The following PDGFA variants were observed in gnomAD, a reference collection of about 807,000 sequenced individuals.
PDGFA encodes platelet derived growth factor subunit A.
In PDGFA, 9 loss-of-function variants were observed where a neutral mutation model predicts 25.6. The ratio of observed to expected loss-of-function variants is 0.35; its 90% CI spans 0.21 to 0.61. PDGFA has a LOEUF of 0.61. PDGFA is among the 20% of genes least tolerant of loss of function. The pLI is 0.75. For synonymous variants in PDGFA, 133 were observed against 111.8 expected (o/e 1.19, Z -1.20); for missense variants, 242 against 272.8 (o/e 0.89, Z 0.79).
chr7:513,577 G>A lies in PDGFA; in HGVS notation c.161-1122C>T, dbSNP rs183027744. 4 of 151,794 alleles carry A rather than the reference G, an allele frequency of 2.6e-5. No individual in the cohort carries two copies. In the East Asian group the frequency reaches 7.8e-4, roughly 30 times the overall value. The allele number at this position is 151,794 out of a possible 1,614,324, so 9.4% of individuals were successfully genotyped here. On this transcript the variant is annotated intron_variant, in intron 2 of 5. Coordinates refer to ENST00000402802, the Ensembl canonical transcript of PDGFA. ...GCGGAGACAGTGAGCCTCACAGCCA[G>A]GATGCTCCAGAGGCACAGAGATCTC...
At chr7:518,889 T>G in intron 1 of PDGFA, 50 bp downstream of exon 1, 1 of 1,269,102 alleles carries the variant, frequency 7.9e-7, no homozygotes, top group African/African-American at 1.5e-5. Context: ...CGGCGGGGGG[T>G]GTGCGCCGGA....
chr7:516,568 G>T (rs1345642392), intron 2 of PDGFA, among the ~76,000 whole-genome samples: 1 of 152,170 alleles, frequency 6.6e-6, no homozygotes, highest in Non-Finnish European at 1.5e-5. Flanking sequence ...TGAAAAGAGC[G>T]CCACGCACGC....
At chr7:518,859 A>G in intron 1 of PDGFA, 80 bp downstream of exon 1, 1 of 934,876 alleles carries the variant, frequency 1.1e-6, no homozygotes, top group Middle Eastern at 3.3e-4. Flanking sequence ...CGCTCTCTGC[A>G]GAGCCCGTGG....
intron 3 of PDGFA, 29 bp from the exon 4 acceptor site, chr7:511,025 G>A (rs1312144091): frequency 1.3e-6 from 2 of 1,589,700 alleles, no homozygotes; most frequent in Non-Finnish European, 1.7e-6. Context: ...AGTGAGCGGG[G>A]ACCGGCCTCT....
Position 511,003 on chromosome 7 carries a change from C to T in PDGFA, c.266-7G>A, listed in dbSNP as rs375915676. On this transcript the variant is annotated splice_region_variant and splice_polypyrimidine_tract_variant and intron_variant, in intron 3 of 5. Coordinates refer to ENST00000402802, the Ensembl canonical transcript of PDGFA. The stretch of plus-strand genomic sequence containing the variant: ...ACAGCGGGGACAGCTTCCTCTGCAA[C>T]GGCGGGGGCACAGTGAGCGGGGACC... 97 of 1,609,704 alleles carry T rather than the reference C, an allele frequency of 6.0e-5. No homozygotes were observed. The highest frequency in any genetic ancestry group is 1.6e-4 in the Middle Eastern group (1 of 6,072).
chr7:498,701 C>A, intron 5 of PDGFA, 127 bp from the exon 6 acceptor site: 1 of 872,412 alleles, frequency 1.1e-6, no homozygotes, highest in Non-Finnish European at 1.9e-6. Flanking sequence ...ACAGGGATTT[C>A]AAGTTTTCAA....
rs1562489678 is a variant in PDGFA at position 510,803 on chromosome 7, G to GGAGGT, written c.453+5_453+6insACCTC. On this transcript the variant is annotated splice_donor_region_variant and intron_variant, in intron 4 of 5. Coordinates refer to ENST00000402802, the Ensembl canonical transcript of PDGFA. ...GGAGGGGAGGGGAGGGGAGGGGAGG[G>GGAGGT]CTCACCTTGACGCTGCGGTGGTGGA... 8.9e-6 allele frequency: 13 copies of GGAGGT among 1,462,354 alleles called. No homozygotes were observed. Among genetic ancestry groups the GGAGGT allele is most frequent in the Non-Finnish European group, 1.2e-5 (13 of 1,080,408 alleles). 90.6% of individuals were successfully genotyped at this position (1,462,354 alleles called of 1,614,324 possible). A position where few individuals can be genotyped will look rare whatever the true frequency, so the allele number is the denominator to read the frequency against.
intron 3 of PDGFA, among the ~76,000 whole-genome samples, chr7:511,657 C>T (rs894035481): frequency 1.3e-5 from 2 of 152,142 alleles, no homozygotes; most frequent in Non-Finnish European, 2.9e-5. Flanking sequence ...CTGCTCAGGG[C>T]CCCAGAGCCA....
intron 5 of PDGFA, among the ~76,000 whole-genome samples, chr7:498,883 C>T (rs1325412744): frequency 6.6e-6 from 1 of 152,228 alleles, no homozygotes; most frequent in Non-Finnish European, 1.5e-5. Flanking sequence ...TTCTCTCTGC[C>T]TTCCTTTCTT....
intron 3 of PDGFA, among the ~76,000 whole-genome samples, chr7:511,691 C>G (rs1264412104): frequency 2.6e-5 from 4 of 152,148 alleles, no homozygotes; most frequent in Admixed American, 2.6e-4. Flanking sequence ...GGCTCAAACC[C>G]ATCAGGTGGG....
At chr7:501,210 T>A in exon 5 of PDGFA, 1 of 1,614,214 alleles carries the variant, frequency 6.2e-7, no homozygotes, top group Non-Finnish European at 8.5e-7. Flanking sequence ...CTTTTAATTT[T>A]GGCTTCTTCC....
intron 4 of PDGFA, among the ~76,000 whole-genome samples, chr7:504,042 C>A (rs1782460881): frequency 6.6e-6 from 1 of 152,168 alleles, no homozygotes; most frequent in African/African-American, 2.4e-5. Flanking sequence ...ACACTTCCAC[C>A]TCCCATCTGT....
At chr7:516,263 A>T (rs1174303131) in intron 2 of PDGFA, among the ~76,000 whole-genome samples, 2 of 147,356 alleles carry the variant, frequency 1.4e-5, no homozygotes, top group African/African-American at 2.5e-5. Flanking sequence ...TCAAGAAACT[A>T]CAGAAACCAT....
intron 3 of PDGFA, 78 bp downstream of exon 3, chr7:512,273 C>A: frequency 7.4e-7 from 1 of 1,354,128 alleles, no homozygotes; most frequent in South Asian, 1.3e-5. Context: ...CCCCACCCGG[C>A]CCTGCCCTGC....
chr7:498,584 G>A lies in PDGFA; in HGVS notation c.581-10C>T, dbSNP rs771092561. 1.9e-5 allele frequency: 30 copies of A among 1,609,910 alleles called. No homozygotes were observed. In the South Asian group the frequency reaches 2.9e-4, roughly 16 times the overall value. On this transcript the variant is annotated splice_polypyrimidine_tract_variant and intron_variant, in intron 5 of 5. Transcript: ENST00000402802. ...CATCCTCACCTCACATCTGCAGGGAGAAGGGAAAGACAGACACTGAGACCA... is the reference window on the plus strand; with the variant it reads ...CATCCTCACCTCACATCTGCAGGGAAAAGGGAAAGACAGACACTGAGACCA...
At chr7:519,699 G>A (rs994031170), upstream of PDGFA, among the ~76,000 whole-genome samples, 2 of 145,798 alleles carry the variant, frequency 1.4e-5, no homozygotes, top group African/African-American at 2.5e-5. Context: ...CCGCCGCCCG[G>A]GGCCTCGCTG....
chr7:512,130 G>A (rs1008553310), intron 3 of PDGFA, among the ~76,000 whole-genome samples: 6 of 152,186 alleles, frequency 3.9e-5, no homozygotes, highest in African/African-American at 1.2e-4. Flanking sequence ...GCGGGCTGGG[G>A]CAGGAGACAC....
chr7:497,539 G>A (rs999719823), exon 6 of PDGFA: 9 of 152,210 alleles, frequency 5.9e-5, no homozygotes, highest in South Asian at 2.1e-4. Flanking sequence ...TGCATCTCAC[G>A]TGCCGCGTGG....
exon 4 of PDGFA, chr7:510,858 G>A (rs779400956): frequency 1.8e-4 from 294 of 1,610,702 alleles, no homozygotes; most frequent in Non-Finnish European, 2.4e-4. Context: ...GACACTGCTC[G>A]TGTTGCAGCA....
Sources: gnomAD v4.1 joint callset for allele counts (sites outside exome capture counted in the v4.1 genomes callset) on GRCh38, gnomAD v4.1.1 for gene constraint, MANE v1.5 for transcripts, NCBI Gene and HGNC (gene_info 2026-07-23, HGNC 2026-07-21) for gene names.